UBE4A: variants seen among roughly 807,000 people sequenced by gnomAD.
UBE4A encodes ubiquitination factor E4A, also known as ubiquitin conjugation factor E4 A.
UBE4A carries 48 observed loss-of-function variants against 117.9 expected under a neutral mutation model. The observed-to-expected ratio is 0.41, with a 90% CI of 0.32 to 0.52. The LOEUF (loss-of-function observed/expected upper bound fraction) is 0.52. UBE4A is among the 20% of genes least tolerant of loss of function. The probability of loss-of-function intolerance (pLI) is 0.33; values close to 1 mark genes in which losing one functional copy is unlikely to be tolerated. For missense variants in UBE4A, 1,067 were observed against 1,296.3 expected (o/e 0.82, Z 2.72); for synonymous variants, 407 against 450.0 (o/e 0.90, Z 1.21).
intron 15 of UBE4A, among the ~76,000 whole-genome samples, chr11:118,385,696 C>A (rs1417815664): frequency 6.6e-6 from 1 of 152,180 alleles, no homozygotes; most frequent in Non-Finnish European, 1.5e-5. Context: ...CAGGTAAATC[C>A]TGAGGGTAGC....
chr11:118,377,609 T>G (rs1315347525), intron 10 of UBE4A, among the ~76,000 whole-genome samples: 1 of 152,168 alleles, frequency 6.6e-6, no homozygotes, highest in East Asian at 1.9e-4. Context: ...TTGCACTTTC[T>G]GCTCTTAAAT....
In UBE4A at chr11:118,389,715, T is replaced by G; in HGVS notation, c.2588-10T>G. The G allele has an allele frequency of 6.4e-7, 1 of 1,572,350 alleles. No homozygotes were observed. The highest frequency in any genetic ancestry group is 1.2e-5 in the South Asian group (1 of 86,912). On this transcript the variant is annotated splice_polypyrimidine_tract_variant and intron_variant, in intron 16 of 19. Coordinates refer to ENST00000252108, the MANE Select transcript of UBE4A (RefSeq NM_001204077.2). ...GATTGAGTTTTCAGAGACTTTGGAT[T>G]CTTTTCCAGAGATCAAGTCACTCTT... is the stretch of plus-strand genomic sequence containing the variant.
rs1565535991 is a variant in UBE4A at position 118,382,580 on chromosome 11, A to C, written c.2010-9A>C. On this transcript the variant is annotated splice_polypyrimidine_tract_variant and intron_variant, in intron 12 of 19. Coordinates refer to ENST00000252108, the MANE Select transcript of UBE4A (RefSeq NM_001204077.2). The stretch of plus-strand genomic sequence containing the variant: ...TATCTGCTCATCTTGCTTTTTGCCC[A>C]TTTTGCAGAATGAAGAATCCCCACC... 2 of 1,525,190 alleles carry C rather than the reference A, an allele frequency of 1.3e-6. No individual in the cohort carries two copies. The highest frequency in any genetic ancestry group is 1.4e-5 in the African/African-American group (1 of 71,904). The allele number at this position is 1,525,190 out of a possible 1,614,324, so 94.5% of individuals were successfully genotyped here.
intron 19 of UBE4A, among the ~76,000 whole-genome samples, chr11:118,394,216 C>T (rs782259556): frequency 1.3e-5 from 2 of 152,122 alleles, no homozygotes; most frequent in Non-Finnish European, 1.5e-5. Flanking sequence ...AGTGCAGTGG[C>T]ATGATCTCAG....
At chr11:118,363,284 A>G (rs530783961) in intron 1 of UBE4A, among the ~76,000 whole-genome samples, 13 of 152,294 alleles carry the variant, frequency 8.5e-5, no homozygotes, top group Middle Eastern at 6.8e-3. Context: ...ACTCATGCCT[A>G]TAATTCCAGC....
chr11:118,365,722 A>G (rs1287891984), intron 2 of UBE4A, among the ~76,000 whole-genome samples: 1 of 152,212 alleles, frequency 6.6e-6, no homozygotes, highest in Non-Finnish European at 1.5e-5. Context: ...TTCTGTTCCG[A>G]TGAGTGGCAT....
chr11:118,395,373 T>G (rs1555129466), intron 19 of UBE4A, among the ~76,000 whole-genome samples: 1 of 151,704 alleles, frequency 6.6e-6, no homozygotes. Context: ...TGGTATTTGG[T>G]ATTAAGCATT....
chr11:118,384,086 TC>T (rs1166566288), intron 13 of UBE4A, among the ~76,000 whole-genome samples: 23 of 152,148 alleles, frequency 1.5e-4, no homozygotes, highest in Admixed American at 1.4e-3. Context: ...GTCTTTTGAC[TC>T]CAAATCCTAC....
chr11:118,373,144 G>A lies in UBE4A; in HGVS notation c.780G>A (p.Glu260=). 2 of 1,614,070 alleles carry A rather than the reference G, an allele frequency of 1.2e-6. No homozygotes were observed. Among genetic ancestry groups the A allele is most frequent in the South Asian group, 2.2e-5 (2 of 91,078 alleles). The change falls in exon 7 of 20, where the codon GAG becomes GAA. Residue 260 remains glutamate (E), a synonymous_variant. Transcript: ENST00000252108. ...EEVIEALILD[E]EVRTFPEVMI... is the part of the protein sequence containing the mutation. Reference sequence around the variant, plus strand: ...TCATTGAAGCCTTGATATTGGATGAGGAAGTTAGAACATTTCCAGAAGTCA... The same window carrying A: ...TCATTGAAGCCTTGATATTGGATGAAGAAGTTAGAACATTTCCAGAAGTCA...
At chr11:118,393,361 G>A (rs1434151415) in intron 19 of UBE4A, among the ~76,000 whole-genome samples, 2 of 152,126 alleles carry the variant, frequency 1.3e-5, no homozygotes, top group African/African-American at 2.4e-5. Context: ...AGGTTGCAAT[G>A]AGCCGAGATC....
chr11:118,383,664 A>T (rs554575234), intron 13 of UBE4A, among the ~76,000 whole-genome samples: 1 of 151,634 alleles, frequency 6.6e-6, no homozygotes, highest in Non-Finnish European at 1.5e-5. Flanking sequence ...GTGTTTGTTT[A>T]AACAGTACCC....
intron 1 of UBE4A, among the ~76,000 whole-genome samples, chr11:118,361,395 A>G (rs1264140524): frequency 6.6e-6 from 1 of 152,170 alleles, no homozygotes; most frequent in African/African-American, 2.4e-5. Context: ...ATTTTATCGG[A>G]CCTTTAGAGT....
chr11:118,377,923 A>AG (rs1948667760), intron 10 of UBE4A, among the ~76,000 whole-genome samples: 1 of 150,550 alleles, frequency 6.6e-6, no homozygotes. Context: ...AAAAAAAAAA[A>AG]AAAAAATTTC....
chr11:118,372,804 A>G, intron 6 of UBE4A, 138 bp downstream of exon 6: 1 of 1,285,520 alleles, frequency 7.8e-7, no homozygotes, highest in Non-Finnish European at 1.1e-6. Flanking sequence ...TTGATCTTTG[A>G]GGTTGAGTAC....
Position 118,365,095 on chromosome 11 carries a change from G to A in UBE4A, c.15G>A (p.Glu5=). ...CTTAAAGTGAAATGACAGACCAGGA[G>A]AATAACAACAACATCTCAAGTAACC... The part of the protein sequence containing the change: MTDQ[E]NNNNISSNPF... Residue 5 remains glutamate, a synonymous_variant, in exon 2 of 20, where the codon GAG becomes GAA. Coordinates refer to ENST00000252108, the MANE Select transcript of UBE4A (RefSeq NM_001204077.2). The A allele has an allele frequency of 6.2e-7, 1 of 1,613,946 alleles. No homozygotes were observed. The highest frequency in any genetic ancestry group is 8.5e-7 in the Non-Finnish European group (1 of 1,179,928).
intron 16 of UBE4A, 140 bp downstream of exon 16, chr11:118,386,752 G>A: frequency 2.0e-6 from 2 of 991,686 alleles, no homozygotes; most frequent in Non-Finnish European, 2.8e-6. Flanking sequence ...CGAATCACTT[G>A]AGAAGCTTCA....
At chr11:118,390,008 A>G (rs1453794855) in intron 17 of UBE4A, 103 bp downstream of exon 17, 4 of 1,227,984 alleles carry the variant, frequency 3.3e-6, no homozygotes, top group Non-Finnish European at 4.4e-6. Context: ...TAGAAAAGAA[A>G]TGGTTAATTC....
Position 118,373,527 on chromosome 11 carries a change from A to G in UBE4A, c.958A>G (p.Thr320Ala). 6.2e-7 allele frequency: 1 copy of G among 1,614,142 alleles called. No individual in the cohort carries two copies. Among genetic ancestry groups the G allele is most frequent in the South Asian group, 1.1e-5 (1 of 91,074 alleles). ...AGAATACATTCAGCCCAAGGACCCT[A>G]CCAATGGGCAAATGTACCAGAAGAC... is the stretch of plus-strand genomic sequence containing the variant. ...FVEYIQPKDP[T>A]NGQMYQKTLL... is the part of the protein sequence containing the mutation. Residue 320 changes from threonine (T) to alanine (A), a missense_variant, in exon 8 of 20, where the codon ACC (threonine) becomes GCC (alanine). Physicochemically the swap from Thr to Ala is moderately conservative, Grantham distance 58 (BLOSUM62 0). Around this residue, in one of 3 missense-constraint regions of UBE4A, gnomAD observed 1,001 missense variants for 1,184.0 expected, o/e 0.85. Coordinates refer to ENST00000252108, the MANE Select transcript of UBE4A (RefSeq NM_001204077.2).
At chr11:118,390,521 T>C in intron 17 of UBE4A, 136 bp from the exon 18 acceptor site, 1 of 271,116 alleles carries the variant, frequency 3.7e-6, no homozygotes, top group Non-Finnish European at 7.0e-6. Flanking sequence ...TAATATATAT[T>C]GAAATAAGTC....
Sources: allele counts gnomAD v4.1 joint callset (sites outside exome capture counted in the v4.1 genomes callset), GRCh38; gene constraint gnomAD v4.1.1; regional missense constraint gnomAD v4.1.1; transcripts MANE v1.5; gene names NCBI Gene and HGNC (gene_info 2026-07-23, HGNC 2026-07-21).